Variants in ERC2 observed in about 807,000 individuals in gnomAD.
The protein encoded by ERC2 is ELKS/RAB6-interacting/CAST family member 2.
A neutral mutation model predicts 114.8 loss-of-function variants in ERC2; 42 were observed. The ratio of observed to expected loss-of-function variants is 0.37; its 90% CI spans 0.29 to 0.47. The LOEUF (loss-of-function observed/expected upper bound fraction) is 0.47. ERC2 is among the 20% of genes least tolerant of loss of function. ERC2 has a pLI of 0.99. For synonymous variants in ERC2, 454 were observed against 425.5 expected, an observed-to-expected ratio of 1.07 and a Z score of -0.82; for missense variants, 939 against 1,150.7, an observed-to-expected ratio of 0.82 and a Z score of 2.66.
At position 56,306,037 on chromosome 3, in the gene ERC2, C is replaced by T. The variant is rs6795644; in HGVS notation, c.658-9602G>A. 9.2e-3 allele frequency among the ~76,000 whole-genome samples: 1,403 copies of T among 152,034 alleles called. 21 individuals carry two copies. The highest frequency in any genetic ancestry group is 0.031 in the African/African-American group (1,272 of 41,456). On this transcript the variant is annotated intron_variant, in intron 2 of 17. Coordinates refer to ENST00000288221, the MANE Select transcript of ERC2 (RefSeq NM_015576.3). ...CTAACTTTTGTATTTTTAGTAGAGA[C>T]GGGGTTTCTCCGTGTTGCCCAGGCT...
chr3:56,034,167 TA>T (rs942162569), intron 7 of ERC2, among the ~76,000 whole-genome samples: 9 of 152,208 alleles, frequency 5.9e-5, no homozygotes, highest in African/African-American at 1.4e-4. Flanking sequence ...CAAAAAAGAA[TA>T]GGGGTGACTA....
intron 14 of ERC2, among the ~76,000 whole-genome samples, chr3:55,776,642 G>A (rs546640853): frequency 6.6e-6 from 1 of 152,310 alleles, no homozygotes; most frequent in Non-Finnish European, 1.5e-5. Flanking sequence ...GGGACAGCTA[G>A]ACCTGGGTTG....
intron 14 of ERC2, among the ~76,000 whole-genome samples, chr3:55,787,153 A>G (rs956607677): frequency 1.3e-5 from 2 of 152,176 alleles, no homozygotes; most frequent in South Asian, 4.1e-4. Context: ...GCGATGGCTC[A>G]CACCTGTAAT....
chr3:55,996,219 T>C (rs1411901150), intron 10 of ERC2, among the ~76,000 whole-genome samples: 1 of 152,234 alleles, frequency 6.6e-6, no homozygotes, highest in Non-Finnish European at 1.5e-5. Flanking sequence ...GCCCTTTCTA[T>C]ACTTCTAAGG....
chr3:56,346,186 A>G (rs934286726), intron 2 of ERC2, among the ~76,000 whole-genome samples: 2 of 152,170 alleles, frequency 1.3e-5, no homozygotes, highest in African/African-American at 2.4e-5. Flanking sequence ...GACACGCTAT[A>G]TATATATTAA....
intron 12 of ERC2, among the ~76,000 whole-genome samples, chr3:55,973,898 T>C (rs1027062284): frequency 2.6e-5 from 4 of 152,178 alleles, no homozygotes; most frequent in Non-Finnish European, 4.4e-5. Flanking sequence ...AGCCTAAAAA[T>C]AGCATTTAAA....
At chr3:55,544,818 C>T (rs1182878) in intron 17 of ERC2, among the ~76,000 whole-genome samples, 70,603 of 151,964 alleles carry the variant, frequency 0.46, 16,631 homozygotes, top group East Asian at 0.67. Context: ...TGCCTGACTC[C>T]GTGCTAGGGC....
rs575709128 is a variant in ERC2 at position 55,592,209 on chromosome 3, A to G, written c.*40-80933T>C. Among the ~76,000 whole-genome samples, 7 of 152,334 alleles carry G rather than the reference A, an allele frequency of 4.6e-5. No individual in the cohort carries two copies. The South Asian group carries it at 1.5e-3, about 32-fold the overall frequency. On this transcript the variant is annotated intron_variant, in intron 17 of 17. Coordinates refer to ENST00000288221, the MANE Select transcript of ERC2 (RefSeq NM_015576.3). ...TAACAAAAGCAGCTCTTGCTAACTC[A>G]GTGGCTGGGGCCGCTGTGGGCATAT...
intron 6 of ERC2, among the ~76,000 whole-genome samples, chr3:56,138,869 C>T (rs570646868): frequency 2.0e-5 from 3 of 152,296 alleles, no homozygotes; most frequent in East Asian, 1.9e-4. Context: ...AGGATAGTAA[C>T]ATATTTTTGT....
chr3:55,645,433 G>A (rs1416633918), intron 17 of ERC2, among the ~76,000 whole-genome samples: 2 of 152,168 alleles, frequency 1.3e-5, no homozygotes, highest in African/African-American at 4.8e-5. Flanking sequence ...AAGCCCTTGG[G>A]CTGTCATCAT....
chr3:55,850,132 C>T (rs541671704), intron 14 of ERC2, among the ~76,000 whole-genome samples: 1 of 152,332 alleles, frequency 6.6e-6, no homozygotes, highest in South Asian at 2.1e-4. Flanking sequence ...CTGCCTCCAA[C>T]TTCATGCGAA....
At position 55,992,201 on chromosome 3, in the gene ERC2, T is replaced by C. The variant is rs2149525683; in HGVS notation, c.2111A>G (p.Gln704Arg). 1 of 1,613,916 alleles carries C rather than the reference T, an allele frequency of 6.2e-7. No individual in the cohort carries two copies. Among genetic ancestry groups the C allele is most frequent in the African/African-American group, 1.3e-5 (1 of 75,046 alleles). The change falls in exon 11 of 18, where the codon CAA (glutamine) becomes CGA (arginine). Residue 704 changes from glutamine (Q) to arginine (R), a missense_variant. Coordinates refer to ENST00000288221, the MANE Select transcript of ERC2 (RefSeq NM_015576.3). ...CGCCTCTTTATCGAGCTGTTTTATTTGGTCTGCAAACTCAGGGTTCATCCT... is the reference window on the plus strand; with the variant it reads ...CGCCTCTTTATCGAGCTGTTTTATTCGGTCTGCAAACTCAGGGTTCATCCT... Reference protein sequence around the residue: ...DSRMNPEFADQIKQLDKEASY... With the variant: ...DSRMNPEFADRIKQLDKEASY...
chr3:56,413,544 T>C (rs2061024803), intron 2 of ERC2, among the ~76,000 whole-genome samples: 1 of 152,128 alleles, frequency 6.6e-6, no homozygotes, highest in South Asian at 2.1e-4. Flanking sequence ...TCATCCTCCG[T>C]CTTCCATTTG....
intron 13 of ERC2, among the ~76,000 whole-genome samples, chr3:55,942,301 T>TTTTTTTTTTTTTTTTTTTG (rs1559906638): frequency 1.7e-5 from 2 of 120,780 alleles, no homozygotes; most frequent in African/African-American, 6.8e-5. Flanking sequence ...TTTTTTTTTT[T>TTTTTTTTTTTTTTTTTTTG]TTGTTGAGAC....
chr3:56,077,837 C>T (rs1460204551), intron 7 of ERC2, among the ~76,000 whole-genome samples: 1 of 152,172 alleles, frequency 6.6e-6, no homozygotes, highest in Non-Finnish European at 1.5e-5. Flanking sequence ...CCATAAGCCT[C>T]AATATTCCAC....
chr3:55,959,489 G>A (rs1392778227), intron 12 of ERC2, among the ~76,000 whole-genome samples: 2 of 152,112 alleles, frequency 1.3e-5, no homozygotes, highest in Non-Finnish European at 2.9e-5. Flanking sequence ...GGTAAGATTG[G>A]CATGAGCCCA....
At position 56,149,019 on chromosome 3, in the gene ERC2, T is replaced by A; in HGVS notation, c.1263A>T (p.Gln421His). 1 of 1,613,490 alleles carries A rather than the reference T, an allele frequency of 6.2e-7. No homozygotes were observed. Among genetic ancestry groups the A allele is most frequent in the Non-Finnish European group, 8.5e-7 (1 of 1,179,598 alleles). Residue 421 changes from glutamine to histidine, a missense_variant, in exon 5 of 18, where the codon CAA becomes CAT. Around this residue, in one of 5 missense-constraint regions of ERC2, gnomAD observed 148 missense variants for 159.1 expected, o/e 0.93. Transcript: ENST00000288221. ...TGGAGTGACTTTTGTAAACCTCAAT[T>A]TGTTTGATCTCTTCTTCGCGGTCCT... is the stretch of plus-strand genomic sequence containing the variant. ...NTEDREEEIK[Q>H]IEVYKSHSKF...
At chr3:55,864,200 T>TATATACACATATATATATACAC (rs2149268593) in intron 14 of ERC2, among the ~76,000 whole-genome samples, 1 of 142,394 alleles carries the variant, frequency 7.0e-6, no homozygotes, top group African/African-American at 2.6e-5. Flanking sequence ...TATATACACA[T>TATATACACATATATATATACAC]ATATATACAC....
At chr3:55,646,625 T>C (rs2060410795) in intron 17 of ERC2, among the ~76,000 whole-genome samples, 1 of 152,244 alleles carries the variant, frequency 6.6e-6, no homozygotes, top group Non-Finnish European at 1.5e-5. Context: ...AGGCATTTTG[T>C]ATGCACAATC....
Sources: gnomAD v4.1 joint callset for allele counts (sites outside exome capture counted in the v4.1 genomes callset) on GRCh38, gnomAD v4.1.1 for gene constraint, gnomAD v4.1.1 regional missense constraint, MANE v1.5 for transcripts, NCBI Gene and HGNC (gene_info 2026-07-23, HGNC 2026-07-21) for gene names.